Variants in ALG14 observed in about 807,000 individuals in gnomAD.
The protein encoded by ALG14 is ALG14 UDP-N-acetylglucosaminyltransferase subunit.
Under a neutral mutation model 22.8 loss-of-function variants are expected in ALG14, and 17 were observed. The ratio of observed to expected loss-of-function variants is 0.75; its 90% confidence interval spans 0.51 to 1.12. The LOEUF is 1.12. Among genes scored for constraint, ALG14 ranks in the 50% most tolerant of loss-of-function variants. ALG14 has a pLI of 0.00. For missense variants in ALG14, 288 were observed against 271.8 expected (o/e 1.06, Z -0.42); for synonymous variants, 89 against 103.7 (o/e 0.86, Z 0.86).
chr1:95,033,440 CACACAT>C (rs1231148487), intron 2 of ALG14, among the ~76,000 whole-genome samples: 30 of 148,830 alleles, frequency 2.0e-4, no homozygotes, highest in African/African-American at 4.6e-4. Flanking sequence ...CACACACACA[CACACAT>C]ACATATATAT....
At chr1:95,016,969 G>GTGTGTGTA (rs1553227030) in intron 3 of ALG14, among the ~76,000 whole-genome samples, 11 of 150,772 alleles carry the variant, frequency 7.3e-5, no homozygotes, top group Non-Finnish European at 1.6e-4. Context: ...GTGTGTGTGT[G>GTGTGTGTA]TGTGTGTGTG....
At chr1:94,995,445 G>A (rs1211893280) in intron 3 of ALG14, among the ~76,000 whole-genome samples, 3 of 152,232 alleles carry the variant, frequency 2.0e-5, no homozygotes, top group Non-Finnish European at 4.4e-5. Context: ...AGGCGCAGTG[G>A]CTCAGGCCTG....
intron 2 of ALG14, among the ~76,000 whole-genome samples, chr1:95,053,307 T>G (rs1054984026): frequency 6.6e-6 from 1 of 151,962 alleles, no homozygotes; most frequent in African/African-American, 2.4e-5. Context: ...AGGGATAAAA[T>G]GGGTCACTTC....
chr1:94,984,290 C>T (rs1672580819), intron 3 of ALG14, among the ~76,000 whole-genome samples: 1 of 152,142 alleles, frequency 6.6e-6, no homozygotes, highest in Non-Finnish European at 1.5e-5. Flanking sequence ...CTAAGGTCCA[C>T]AAAACTTAGC....
At chr1:95,055,557 C>A (rs1377450381) in intron 2 of ALG14, among the ~76,000 whole-genome samples, 2 of 151,882 alleles carry the variant, frequency 1.3e-5, no homozygotes, top group Non-Finnish European at 2.9e-5. Flanking sequence ...GATGAAGTTT[C>A]TGGATAGGAA....
At chr1:95,060,552 T>TAA (rs200328047) in intron 2 of ALG14, among the ~76,000 whole-genome samples, 6,488 of 138,680 alleles carry the variant, frequency 0.047, 191 homozygotes, top group South Asian at 0.084. Flanking sequence ...CTGTCTCTAT[T>TAA]AAAAAAAAAA....
At chr1:95,049,118 T>G (rs980263194) in intron 2 of ALG14, among the ~76,000 whole-genome samples, 1 of 152,166 alleles carries the variant, frequency 6.6e-6, no homozygotes, top group Non-Finnish European at 1.5e-5. Context: ...AGTTTAAAAT[T>G]TAGCTTAAAA....
chr1:95,072,168 G>A (rs1011397550), intron 1 of ALG14, among the ~76,000 whole-genome samples: 1 of 152,100 alleles, frequency 6.6e-6, no homozygotes, highest in Non-Finnish European at 1.5e-5. Context: ...TGTTTACATT[G>A]TGTCTGTGTG....
intron 2 of ALG14, among the ~76,000 whole-genome samples, chr1:95,040,172 AAAATAAATAAAT>A (rs66956744): frequency 3.7e-4 from 53 of 143,314 alleles, no homozygotes; most frequent in Admixed American, 2.1e-4. Flanking sequence ...ACCCTGTCTC[AAAATAAATAAAT>A]AAATAAATAA....
At chr1:95,037,994 G>A (rs1262291150) in intron 2 of ALG14, among the ~76,000 whole-genome samples, 1 of 152,174 alleles carries the variant, frequency 6.6e-6, no homozygotes, top group Admixed American at 6.5e-5. Context: ...TGCAGTCAAA[G>A]GGATAACTAT....
rs1019622090 is a variant in ALG14 at position 95,041,197 on chromosome 1, AT to A, written c.289-13938del. On this transcript the variant is annotated intron_variant, in intron 2 of 3. Coordinates refer to ENST00000370205, the MANE Select transcript of ALG14 (RefSeq NM_144988.4). Reference sequence around the variant, plus strand: ...AGACCGGCCTCCTTTCAAATTAGAGATTTTTTTTTACCTTTACCTATAATTC... The same window carrying A: ...AGACCGGCCTCCTTTCAAATTAGAGATTTTTTTTACCTTTACCTATAATTC... Among the ~76,000 whole-genome samples, 38 of 151,646 alleles carry A rather than the reference AT, an allele frequency of 2.5e-4. 1 individual carries two copies. The highest frequency in any genetic ancestry group is 2.2e-3 in the Admixed American group (34 of 15,196).
chr1:95,034,434 T>C (rs951198430), intron 2 of ALG14, among the ~76,000 whole-genome samples: 5 of 152,210 alleles, frequency 3.3e-5, no homozygotes, highest in Admixed American at 2.6e-4. Flanking sequence ...AGTAAATAAC[T>C]TGCTGAACAG....
chr1:94,991,588 C>A (rs1451813797), intron 3 of ALG14, among the ~76,000 whole-genome samples: 1 of 152,138 alleles, frequency 6.6e-6, no homozygotes, highest in Non-Finnish European at 1.5e-5. Flanking sequence ...ATGGAAGTTG[C>A]TCTAGGTGAG....
In ALG14 at chr1:95,031,618, T is replaced by C. The variant is rs1360870028; in HGVS notation, c.289-4358A>G. Among the ~76,000 whole-genome samples, 3 of 152,224 alleles carry C rather than the reference T, an allele frequency of 2.0e-5. No individual in the cohort carries two copies. In the East Asian group the frequency reaches 5.8e-4, roughly 29 times the overall value. ...AGCATATCCGTTCTCCTCAGAGATA[T>C]CTTTCCTGACTAGCCTTTCTAAAAT... is the stretch of plus-strand genomic sequence containing the variant. On this transcript the variant is annotated intron_variant, in intron 2 of 3. Coordinates refer to ENST00000370205, the MANE Select transcript of ALG14 (RefSeq NM_144988.4).
In ALG14 at chr1:95,065,120, G is replaced by A. The variant is rs1297746288; in HGVS notation, c.137-103C>T. The stretch of plus-strand genomic sequence containing the variant: ...ATGGTTTCAGGTTGGGGGTGGGGGG[G>A]CACTGTAATTGTATATTTCTCAGAA... On this transcript the variant is annotated intron_variant, in intron 1 of 3. Transcript: ENST00000370205. 4.1e-6 allele frequency: 4 copies of A among 977,682 alleles called. No homozygotes were observed. In the East Asian group the frequency reaches 1.1e-4, roughly 27 times the overall value. The allele number at this position is 977,682 out of a possible 1,614,324, so 60.6% of individuals were successfully genotyped here.
chr1:95,010,305 G>A (rs1434702008), intron 3 of ALG14, among the ~76,000 whole-genome samples: 2 of 152,116 alleles, frequency 1.3e-5, no homozygotes, highest in African/African-American at 4.8e-5. Flanking sequence ...AATGTTTATA[G>A]CTCAGATTGC....
At chr1:95,020,607 G>A (rs1416938800) in intron 3 of ALG14, among the ~76,000 whole-genome samples, 3 of 151,552 alleles carry the variant, frequency 2.0e-5, no homozygotes, top group Non-Finnish European at 2.9e-5. Context: ...GCATGGTTGT[G>A]CACGCCTGTA....
intron 2 of ALG14, among the ~76,000 whole-genome samples, chr1:95,038,552 G>C (rs1430460520): frequency 1.3e-5 from 2 of 151,890 alleles, no homozygotes; most frequent in Non-Finnish European, 1.5e-5. Context: ...GTGGTCATGG[G>C]CACTTGTAAT....
chr1:95,053,416 G>C (rs1448648769), intron 2 of ALG14, among the ~76,000 whole-genome samples: 1 of 151,954 alleles, frequency 6.6e-6, no homozygotes, highest in Non-Finnish European at 1.5e-5. Context: ...GCTTCATAAT[G>C]ATTAAAAATA....
Sources: gnomAD v4.1 joint callset for allele counts (sites outside exome capture counted in the v4.1 genomes callset) on GRCh38, gnomAD v4.1.1 for gene constraint, MANE v1.5 for transcripts, NCBI Gene and HGNC (gene_info 2026-07-23, HGNC 2026-07-21) for gene names.